TNFRSF19: variants seen among roughly 807,000 people sequenced by gnomAD.
TNFRSF19 encodes tumor necrosis factor receptor superfamily member 19.
In TNFRSF19, 27 loss-of-function variants were observed where a neutral mutation model predicts 46.4. The observed-to-expected ratio is 0.58, with a 90% CI of 0.43 to 0.80. The LOEUF is 0.80. Among genes scored for constraint, TNFRSF19 ranks in the 30% least tolerant of loss-of-function variants. TNFRSF19 has a pLI of 0.00. For missense variants in TNFRSF19, 511 were observed against 530.8 expected (o/e 0.96, Z 0.37); for synonymous variants, 204 against 205.0 (o/e 1.00, Z 0.04).
intron 5 of TNFRSF19, among the ~76,000 whole-genome samples, chr13:23,636,876 G>A (rs1322256275): frequency 6.6e-6 from 1 of 152,196 alleles, no homozygotes; most frequent in African/African-American, 2.4e-5. Context: ...TATGTGCTTT[G>A]AGAAATAGTG....
intron 5 of TNFRSF19, among the ~76,000 whole-genome samples, chr13:23,627,712 T>A (rs1232438233): frequency 1.3e-5 from 2 of 152,208 alleles, no homozygotes; most frequent in Non-Finnish European, 2.9e-5. Context: ...ATTGTTTTGA[T>A]GTCATTTTCA....
intron 9 of TNFRSF19, among the ~76,000 whole-genome samples, chr13:23,672,443 G>A (rs73156796): frequency 6.6e-6 from 1 of 152,226 alleles, no homozygotes; most frequent in Non-Finnish European, 1.5e-5. Flanking sequence ...AGAGGACCCT[G>A]GGTTCTAGTG....
At chr13:23,631,197 A>C (rs1332301889) in intron 5 of TNFRSF19, among the ~76,000 whole-genome samples, 1 of 152,188 alleles carries the variant, frequency 6.6e-6, no homozygotes, top group Non-Finnish European at 1.5e-5. Context: ...ATTAAAGATA[A>C]TTTTTAACAT....
intron 5 of TNFRSF19, among the ~76,000 whole-genome samples, chr13:23,639,671 G>A (rs528664083): frequency 4.6e-5 from 7 of 152,150 alleles, no homozygotes; most frequent in Admixed American, 4.6e-4. Context: ...AAACCAGTCA[G>A]GCCCCCTGGA....
At chr13:23,634,278 G>T (rs1012382966) in intron 5 of TNFRSF19, among the ~76,000 whole-genome samples, 1 of 152,196 alleles carries the variant, frequency 6.6e-6, no homozygotes, top group Non-Finnish European at 1.5e-5. Flanking sequence ...CTTCAAAGTC[G>T]CTGTGTGCCT....
At chr13:23,588,333 T>G (rs1405352864) in intron 1 of TNFRSF19, among the ~76,000 whole-genome samples, 1 of 152,224 alleles carries the variant, frequency 6.6e-6, no homozygotes, top group Non-Finnish European at 1.5e-5. Context: ...GCACTTTGTG[T>G]TAGCCCAGTT....
intron 3 of TNFRSF19, among the ~76,000 whole-genome samples, chr13:23,597,757 A>G (rs1202448649): frequency 6.6e-6 from 1 of 152,230 alleles, no homozygotes; most frequent in African/African-American, 2.4e-5. Context: ...TGAGGTCAGC[A>G]TCATCCTGAT....
Position 23,590,197 on chromosome 13 carries a change from T to A in TNFRSF19, c.14T>A (p.Val5Glu). MALK[V>E]LLEQEKTFFT... ...TTGATAAGAAAGATGGCTTTAAAAG[T>A]GCTACTAGAACAAGAGAAAACGTTT... Residue 5 changes from valine to glutamate, a missense_variant, in exon 2 of 10, where the codon GTG becomes GAG. Coordinates refer to ENST00000248484, the MANE Select transcript of TNFRSF19 (RefSeq NM_148957.4). The A allele has an allele frequency of 6.3e-7, 1 of 1,596,952 alleles. No homozygotes were observed. Among genetic ancestry groups the A allele is most frequent in the Non-Finnish European group, 8.5e-7 (1 of 1,170,354 alleles).
Position 23,660,359 on chromosome 13 carries a change from A to T in TNFRSF19, c.611-6A>T. ...TTCCCTGACAGAGTTCTCACCCCTC[A>T]TTTAGGGTCTCTGCGGTCACAGGAC... On this transcript the variant is annotated splice_region_variant and splice_polypyrimidine_tract_variant and intron_variant, in intron 6 of 9. Transcript: ENST00000248484. 1 of 1,612,968 alleles carries T rather than the reference A, an allele frequency of 6.2e-7. No individual in the cohort carries two copies. The highest frequency in any genetic ancestry group is 8.5e-7 in the Non-Finnish European group (1 of 1,179,420).
intron 7 of TNFRSF19, among the ~76,000 whole-genome samples, chr13:23,665,506 G>A (rs372246044): frequency 6.6e-6 from 1 of 151,900 alleles, no homozygotes; most frequent in Non-Finnish European, 1.5e-5. Flanking sequence ...TCAGAAATCA[G>A]TCATAATTAC....
intron 5 of TNFRSF19, among the ~76,000 whole-genome samples, chr13:23,636,176 G>C (rs1409444183): frequency 6.6e-6 from 1 of 152,148 alleles, no homozygotes; most frequent in Non-Finnish European, 1.5e-5. Flanking sequence ...AGACCAACGG[G>C]TTATGTTATG....
At chr13:23,590,542 C>G (rs1181225862) in intron 2 of TNFRSF19, among the ~76,000 whole-genome samples, 1 of 152,116 alleles carries the variant, frequency 6.6e-6, no homozygotes, top group Non-Finnish European at 1.5e-5. Context: ...ACCATGTTGT[C>G]CAGGCTGGTC....
intron 1 of TNFRSF19, among the ~76,000 whole-genome samples, chr13:23,586,478 T>C (rs1014989469): frequency 6.6e-6 from 1 of 152,064 alleles, no homozygotes; most frequent in African/African-American, 2.4e-5. Context: ...GACCTGCTGG[T>C]GGAAGCAGTC....
intron 5 of TNFRSF19, among the ~76,000 whole-genome samples, chr13:23,645,686 T>C (rs1268837787): frequency 6.6e-6 from 1 of 152,172 alleles, no homozygotes. Flanking sequence ...GTCCTCTTCT[T>C]TACACTGTAC....
chr13:23,655,748 CT>C (rs1883942448), intron 5 of TNFRSF19, among the ~76,000 whole-genome samples: 1 of 141,412 alleles, frequency 7.1e-6, no homozygotes, highest in Non-Finnish European at 1.5e-5. Context: ...GCCCCCCCCC[CT>C]TATTTTTGGT....
Position 23,668,785 on chromosome 13 carries a change from G to A in TNFRSF19, c.933G>A (p.Met311Ile). 1 of 1,614,250 alleles carries A rather than the reference G, an allele frequency of 6.2e-7. No individual in the cohort carries two copies. Among genetic ancestry groups the A allele is most frequent in the Non-Finnish European group, 8.5e-7 (1 of 1,180,040 alleles). Residue 311 changes from methionine (M) to isoleucine (I), a missense_variant, in exon 9 of 10, where the codon ATG becomes ATA. Physicochemically the swap from Met to Ile is conservative, Grantham distance 10 (BLOSUM62 1). Transcript: ENST00000248484. ...CGEFSDAWPL[M>I]QNPMGGDNIS... is the part of the protein sequence containing the mutation. ...AGTTTTCAGATGCCTGGCCTCTGAT[G>A]CAGAATCCCATGGGTGGTGACAACA...
intron 3 of TNFRSF19, among the ~76,000 whole-genome samples, chr13:23,610,399 A>G (rs1490856265): frequency 6.6e-6 from 1 of 152,230 alleles, no homozygotes; most frequent in Non-Finnish European, 1.5e-5. Context: ...AATATTGGGC[A>G]GAGTGACAGA....
intron 1 of TNFRSF19, among the ~76,000 whole-genome samples, chr13:23,583,690 A>C (rs1878623551): frequency 6.6e-6 from 1 of 152,226 alleles, no homozygotes; most frequent in Non-Finnish European, 1.5e-5. Context: ...GGGGCTACTT[A>C]CACTGGAGAA....
Position 23,675,967 on chromosome 13 carries a change from C to G in TNFRSF19, c.*2587C>G, listed in dbSNP as rs1951824418. Reference sequence around the variant, plus strand: ...GAAAACCATCATTGCTTTATAGTAGCTTATATCAATTTAGATTTCATCATT... The same window carrying G: ...GAAAACCATCATTGCTTTATAGTAGGTTATATCAATTTAGATTTCATCATT... On this transcript the variant is annotated 3_prime_UTR_variant, in exon 10 of 10. Coordinates refer to ENST00000248484, the MANE Select transcript of TNFRSF19 (RefSeq NM_148957.4). 1 of 152,130 alleles carries G rather than the reference C, an allele frequency of 6.6e-6. No individual in the cohort carries two copies. Among genetic ancestry groups the G allele is most frequent in the African/African-American group, 2.4e-5 (1 of 41,426 alleles). The allele number at this position is 152,130 out of a possible 1,614,324, so 9.4% of individuals were successfully genotyped here.
Sources: gnomAD v4.1 joint callset for allele counts (sites outside exome capture counted in the v4.1 genomes callset) on GRCh38, gnomAD v4.1.1 for gene constraint, MANE v1.5 for transcripts, NCBI Gene and HGNC (gene_info 2026-07-23, HGNC 2026-07-21) for gene names.